The following ELP4 variants were observed in gnomAD, a reference collection of about 807,000 sequenced individuals.
ELP4 encodes the protein elongator complex protein 4.
A neutral mutation model predicts 48.9 loss-of-function variants in ELP4; 51 were observed. That is an observed-to-expected ratio of 1.04 (90% CI 0.83 to 1.32). The LOEUF is 1.32. Among genes scored for constraint, ELP4 ranks in the 40% most tolerant of loss-of-function variants. The probability of loss-of-function intolerance (pLI) is 0.00; values close to 1 mark genes in which losing one functional copy is unlikely to be tolerated. For synonymous variants in ELP4, 210 were observed against 189.2 expected (o/e 1.11, Z -0.90); for missense variants, 519 against 514.6 (o/e 1.01, Z -0.08).
chr11:31,510,108 A>C, intron 1 of ELP4, 101 bp downstream of exon 1: 1 of 1,083,140 alleles, frequency 9.2e-7, no homozygotes, highest in Non-Finnish European at 1.3e-6. Flanking sequence ...TGACCCCTAA[A>C]CCTTCGGAGG....
At chr11:31,754,103 T>C (rs2134243331) in intron 9 of ELP4, among the ~76,000 whole-genome samples, 1 of 152,332 alleles carries the variant, frequency 6.6e-6, no homozygotes, top group African/African-American at 2.4e-5. Flanking sequence ...TCTTACCACC[T>C]CTGCTGCTAT....
chr11:31,596,231 C>T (rs761127978), intron 4 of ELP4, among the ~76,000 whole-genome samples: 3 of 152,082 alleles, frequency 2.0e-5, no homozygotes, highest in East Asian at 1.9e-4. Context: ...GGTGAAACCC[C>T]GTCTCTACTA....
At chr11:31,589,948 G>A (rs927610704) in intron 3 of ELP4, among the ~76,000 whole-genome samples, 1 of 152,066 alleles carries the variant, frequency 6.6e-6, no homozygotes, top group Non-Finnish European at 1.5e-5. Context: ...TAGAATGAAA[G>A]CTTATTATAG....
At chr11:31,701,173 A>G (rs1290965538) in intron 9 of ELP4, among the ~76,000 whole-genome samples, 1 of 152,156 alleles carries the variant, frequency 6.6e-6, no homozygotes, top group East Asian at 1.9e-4. Flanking sequence ...CATTTTGCAT[A>G]TATTTAAGGA....
chr11:31,696,216 A>G (rs1237939867), intron 9 of ELP4, among the ~76,000 whole-genome samples: 1 of 151,824 alleles, frequency 6.6e-6, no homozygotes, highest in Non-Finnish European at 1.5e-5. Flanking sequence ...CTAGCTTTTG[A>G]ATGTGTTTGC....
At chr11:31,560,697 TATATAAAACA>T (rs1957006773) in intron 3 of ELP4, among the ~76,000 whole-genome samples, 1 of 147,848 alleles carries the variant, frequency 6.8e-6, no homozygotes, top group Non-Finnish European at 1.5e-5. Flanking sequence ...GTTTTATATA[TATATAAAACA>T]ACGTTGTTTT....
chr11:31,719,348 C>T (rs1055828171), intron 9 of ELP4: 18 of 391,728 alleles, frequency 4.6e-5, no homozygotes, highest in Non-Finnish European at 7.2e-5. Flanking sequence ...GCATGGCATA[C>T]AGTGGCAGAG....
intron 9 of ELP4, among the ~76,000 whole-genome samples, chr11:31,719,261 G>GAA (rs1238897258): frequency 8.1e-6 from 1 of 123,616 alleles, no homozygotes; most frequent in Non-Finnish European, 1.8e-5. Context: ...CCCTGAAAAA[G>GAA]AAAAAAAAAA....
At chr11:31,685,018 CT>C (rs1946132048) in intron 9 of ELP4, among the ~76,000 whole-genome samples, 1 of 152,138 alleles carries the variant, frequency 6.6e-6, no homozygotes, top group African/African-American at 2.4e-5. Context: ...TACTGAAAAC[CT>C]TTTACAAAAA....
intron 3 of ELP4, among the ~76,000 whole-genome samples, chr11:31,576,295 T>A (rs1957277238): frequency 1.3e-5 from 2 of 152,104 alleles, no homozygotes; most frequent in African/African-American, 4.8e-5. Context: ...ATAAAGCAAG[T>A]CCTTAGAGAC....
intron 9 of ELP4, among the ~76,000 whole-genome samples, chr11:31,725,141 A>G (rs1356325712): frequency 6.6e-6 from 1 of 152,160 alleles, no homozygotes; most frequent in East Asian, 1.9e-4. Flanking sequence ...ACTACCTCTG[A>G]GGCAGGAATC....
chr11:31,691,769 A>G (rs771234323), intron 9 of ELP4, among the ~76,000 whole-genome samples: 11 of 152,174 alleles, frequency 7.2e-5, no homozygotes, highest in Non-Finnish European at 1.3e-4. Flanking sequence ...CAATTTTTGA[A>G]CTAGGAATGT....
At position 31,771,973 on chromosome 11, in the gene ELP4, C is replaced by T. The variant is rs1316627384; in HGVS notation, c.1144-11420C>T. Among the ~76,000 whole-genome samples the T allele has an allele frequency of 2.0e-5, 3 of 151,952 alleles. No individual in the cohort carries two copies. In the Middle Eastern group the frequency reaches 0.01, roughly 517 times the overall value. On this transcript the variant is annotated intron_variant, in intron 9 of 9. Coordinates refer to ENST00000640961, the MANE Select transcript of ELP4 (RefSeq NM_019040.5). ...CTCCAGCCTGGGCGACAGAGCGAGACTCCGTCTCTAAAAAAAAAAATTAGG... is the reference window on the plus strand; with the variant it reads ...CTCCAGCCTGGGCGACAGAGCGAGATTCCGTCTCTAAAAAAAAAAATTAGG...
chr11:31,717,322 G>T (rs551918006), intron 9 of ELP4, among the ~76,000 whole-genome samples: 2 of 152,142 alleles, frequency 1.3e-5, no homozygotes, highest in Non-Finnish European at 2.9e-5. Flanking sequence ...TGTGACTGTC[G>T]TCAACAGAAA....
intron 9 of ELP4, among the ~76,000 whole-genome samples, chr11:31,668,906 T>C (rs1280512754): frequency 6.6e-6 from 1 of 151,730 alleles, no homozygotes; most frequent in African/African-American, 2.4e-5. Flanking sequence ...GAAGGTATTT[T>C]AGTTGAATTT....
At chr11:31,523,172 C>T (rs1322957241) in intron 2 of ELP4, among the ~76,000 whole-genome samples, 23 of 152,010 alleles carry the variant, frequency 1.5e-4, no homozygotes. Flanking sequence ...GCATCTGGCC[C>T]CAGTTCTCTA....
chr11:31,574,704 A>C (rs1370044917), intron 3 of ELP4, among the ~76,000 whole-genome samples: 3 of 152,236 alleles, frequency 2.0e-5, no homozygotes, highest in Admixed American at 6.5e-5. Context: ...AAACTCCAAC[A>C]GACCTGCAGC....
intron 2 of ELP4, among the ~76,000 whole-genome samples, chr11:31,534,764 G>A (rs1304018848): frequency 6.6e-6 from 1 of 152,122 alleles, no homozygotes; most frequent in African/African-American, 2.4e-5. Flanking sequence ...TTTAATGTCA[G>A]GTTTGTTTCT....
intron 3 of ELP4, among the ~76,000 whole-genome samples, chr11:31,575,220 C>T (rs915423949): frequency 5.3e-5 from 8 of 151,866 alleles, no homozygotes; most frequent in Non-Finnish European, 8.8e-5. Flanking sequence ...TGAAATGAAG[C>T]GAGAAGAGAA....
Sources: allele counts gnomAD v4.1 joint callset (sites outside exome capture counted in the v4.1 genomes callset), GRCh38; gene constraint gnomAD v4.1.1; transcripts MANE v1.5; gene names NCBI Gene and HGNC (gene_info 2026-07-23, HGNC 2026-07-21).